The following CNTN4 variants were observed in gnomAD, a reference collection of about 807,000 sequenced individuals.
CNTN4 encodes the protein contactin 4.
In CNTN4, 77 loss-of-function variants were observed where a neutral mutation model predicts 122.5. The ratio of observed to expected loss-of-function variants is 0.63; its 90% CI spans 0.52 to 0.76. CNTN4 has a LOEUF of 0.76. CNTN4 is among the 30% of genes least tolerant of loss of function. CNTN4 has a pLI of 0.00. For synonymous variants in CNTN4, 512 were observed against 447.0 expected (o/e 1.15, Z -1.83); for missense variants, 1,256 against 1,259.1 (o/e 1.00, Z 0.04).
At chr3:2,980,097 C>G (rs1693819291) in intron 13 of CNTN4, among the ~76,000 whole-genome samples, 1 of 152,230 alleles carries the variant, frequency 6.6e-6, no homozygotes, top group South Asian at 2.1e-4. Context: ...GGCTGCAACT[C>G]AGAGCCTCAT....
chr3:2,897,319 G>C (rs1221575548), intron 10 of CNTN4, among the ~76,000 whole-genome samples: 1 of 152,058 alleles, frequency 6.6e-6, no homozygotes, highest in African/African-American at 2.4e-5. Context: ...TACTTAAGGA[G>C]TCCTAGAAGA....
intron 2 of CNTN4, among the ~76,000 whole-genome samples, chr3:2,337,694 G>A (rs536224663): frequency 2.6e-5 from 4 of 151,966 alleles, no homozygotes; most frequent in Non-Finnish European, 5.9e-5. Context: ...ATAAAATTAA[G>A]TTTTCATTTC....
chr3:2,833,874 T>C (rs995454212), intron 7 of CNTN4, among the ~76,000 whole-genome samples: 1 of 152,160 alleles, frequency 6.6e-6, no homozygotes, highest in Middle Eastern at 3.2e-3. Flanking sequence ...GCGAGGTGGC[T>C]CACACCTATA....
At chr3:2,792,661 A>C (rs1348727590) in intron 6 of CNTN4, among the ~76,000 whole-genome samples, 1 of 152,202 alleles carries the variant, frequency 6.6e-6, no homozygotes, top group Admixed American at 6.5e-5. Flanking sequence ...TTGCTAACAG[A>C]CACCTGTCAA....
chr3:2,594,970 G>A (rs1427722997), intron 4 of CNTN4, among the ~76,000 whole-genome samples: 2 of 152,174 alleles, frequency 1.3e-5, no homozygotes, highest in Non-Finnish European at 2.9e-5. Context: ...TTTAAAAGAA[G>A]TAACATTGGT....
intron 3 of CNTN4, among the ~76,000 whole-genome samples, chr3:2,386,441 A>G (rs1419220943): frequency 2.0e-5 from 3 of 152,242 alleles, no homozygotes; most frequent in African/African-American, 7.2e-5. Flanking sequence ...TCCCCTAACT[A>G]GCAAAATCCT....
intron 14 of CNTN4, among the ~76,000 whole-genome samples, chr3:3,000,851 T>C (rs1216764056): frequency 3.3e-5 from 5 of 152,112 alleles, no homozygotes; most frequent in Non-Finnish European, 7.4e-5. Flanking sequence ...ACTGACTTTG[T>C]TTTCTTACTG....
intron 6 of CNTN4, among the ~76,000 whole-genome samples, chr3:2,807,771 G>A (rs1211163618): frequency 2.0e-5 from 3 of 152,144 alleles, no homozygotes; most frequent in African/African-American, 7.2e-5. Context: ...AGTACAGAGT[G>A]AAGAGTCTTC....
At position 2,250,204 on chromosome 3, in the gene CNTN4, C is replaced by T. The variant is rs117586121; in HGVS notation, c.-144-88974C>T. On this transcript the variant is annotated intron_variant, in intron 2 of 24. Transcript: ENST00000418658. Reference sequence around the variant, plus strand: ...AATTACAAATATAAAGATTTAATTTCATGAGAATTACTGCTCCTTCAATTA... The same window carrying T: ...AATTACAAATATAAAGATTTAATTTTATGAGAATTACTGCTCCTTCAATTA... Among the ~76,000 whole-genome samples, 40 of 151,998 alleles carry T rather than the reference C, an allele frequency of 2.6e-4. No individual in the cohort carries two copies. The East Asian group carries it at 7.4e-3, about 28-fold the overall frequency.
intron 13 of CNTN4, among the ~76,000 whole-genome samples, chr3:2,961,006 G>A (rs1225877276): frequency 2.1e-5 from 3 of 141,444 alleles, no homozygotes; most frequent in Non-Finnish European, 4.7e-5. Flanking sequence ...CGAGGCGGGT[G>A]GATCACGAGG....
intron 13 of CNTN4, among the ~76,000 whole-genome samples, chr3:2,950,955 A>C (rs182994888): frequency 2.6e-5 from 4 of 152,380 alleles, no homozygotes; most frequent in Admixed American, 1.3e-4. Context: ...CATAATGGAC[A>C]TTAAATACAT....
intron 4 of CNTN4, among the ~76,000 whole-genome samples, chr3:2,644,241 C>A (rs1476738968): frequency 6.6e-6 from 1 of 152,150 alleles, no homozygotes; most frequent in Non-Finnish European, 1.5e-5. Context: ...TAGATGCTCT[C>A]AATAATAGTA....
intron 6 of CNTN4, among the ~76,000 whole-genome samples, chr3:2,815,403 A>G (rs537884664): frequency 2.0e-4 from 30 of 152,338 alleles, no homozygotes; most frequent in Admixed American, 1.4e-3. Context: ...GAAAAAAATC[A>G]AACAGTCCCA....
intron 6 of CNTN4, among the ~76,000 whole-genome samples, chr3:2,786,717 C>T (rs997290369): frequency 1.3e-5 from 2 of 152,088 alleles, no homozygotes; most frequent in African/African-American, 2.4e-5. Flanking sequence ...CTACTGGAGC[C>T]AAGAGTGGCT....
rs961663312 is a variant in CNTN4, at chr3:2,883,005, G to C, written c.653-140G>C. On this transcript the variant is annotated intron_variant, in intron 8 of 24. Transcript: ENST00000418658. ...AGAGCCACAATTCATGACTGCTGGA[G>C]ATAGGACCTGCTTTAAATGAAGGAA... The C allele has an allele frequency of 1.6e-4, 106 of 665,726 alleles. 1 individual carries two copies. The highest frequency in any genetic ancestry group is 4.1e-4 in the Middle Eastern group (1 of 2,422). The allele number at this position is 665,726 out of a possible 1,614,324, so 41.2% of individuals were successfully genotyped here. A position where few individuals can be genotyped will look rare whatever the true frequency, so the allele number is the denominator to read the frequency against.
At chr3:3,046,695 T>C (rs1042744535) in intron 23 of CNTN4, among the ~76,000 whole-genome samples, 9 of 152,076 alleles carry the variant, frequency 5.9e-5, no homozygotes, top group South Asian at 2.1e-4. Flanking sequence ...TAAAGACCAT[T>C]GATGCTAGGA....
chr3:2,611,066 G>C (rs1157967116), intron 4 of CNTN4, among the ~76,000 whole-genome samples: 2 of 151,706 alleles, frequency 1.3e-5, no homozygotes, highest in East Asian at 3.9e-4. Flanking sequence ...TTTGATTCAG[G>C]TGATGACTAT....
chr3:2,427,015 A>G (rs1289957753), intron 3 of CNTN4, among the ~76,000 whole-genome samples: 2 of 152,092 alleles, frequency 1.3e-5, no homozygotes, highest in Non-Finnish European at 2.9e-5. Flanking sequence ...TCTTTTCAAA[A>G]AACCAGCTCC....
intron 4 of CNTN4, among the ~76,000 whole-genome samples, chr3:2,703,893 T>C (rs2086498001): frequency 6.6e-6 from 1 of 151,972 alleles, no homozygotes; most frequent in Admixed American, 6.6e-5. Context: ...ATAGTGTAAA[T>C]ATAAAGAAAG....
Sources: gnomAD v4.1 joint callset for allele counts (sites outside exome capture counted in the v4.1 genomes callset) on GRCh38, gnomAD v4.1.1 for gene constraint, MANE v1.5 for transcripts, NCBI Gene and HGNC (gene_info 2026-07-23, HGNC 2026-07-21) for gene names.